Variants in SKAP2 observed in about 807,000 individuals in gnomAD.
SKAP2 encodes src kinase associated phosphoprotein 2.
Under a neutral mutation model 54.9 loss-of-function variants are expected in SKAP2, and 28 were observed. The ratio of observed to expected loss-of-function variants is 0.51; its 90% confidence interval spans 0.38 to 0.70. SKAP2 has a LOEUF of 0.70. SKAP2 is among the 30% of genes least tolerant of loss of function. The probability of loss-of-function intolerance (pLI) is 0.00; values close to 1 mark genes in which losing one functional copy is unlikely to be tolerated. For synonymous variants in SKAP2, 137 were observed against 134.3 expected, an observed-to-expected ratio of 1.02 and a Z score of -0.14; for missense variants, 356 against 424.1, an observed-to-expected ratio of 0.84 and a Z score of 1.41.
chr7:26,684,791 G>A lies in SKAP2; in HGVS notation c.932C>T (p.Ala311Val). The A allele has an allele frequency of 6.2e-7, 1 of 1,612,930 alleles. No homozygotes were observed. The highest frequency in any genetic ancestry group is 1.1e-5 in the South Asian group (1 of 91,032). ...CTTAAATGACAACTCATCAGAAAAA[G>A]CTCCAGTACAATCCCACAATCCCTG... Reference protein sequence around the residue: ...FYQGLWDCTGAFSDELSFKRG... With the variant: ...FYQGLWDCTGVFSDELSFKRG... Residue 311 changes from alanine (A) to valine (V), a missense_variant, in exon 11 of 13, where the codon GCT (alanine) becomes GTT (valine). Ala to Val is a moderately conservative substitution (Grantham distance 64). Coordinates refer to ENST00000345317, the MANE Select transcript of SKAP2 (RefSeq NM_003930.5).
At chr7:26,783,976 A>C (rs569690155) in intron 4 of SKAP2, among the ~76,000 whole-genome samples, 22 of 152,102 alleles carry the variant, frequency 1.4e-4, no homozygotes, top group African/African-American at 4.8e-4. Context: ...AGTCTTAGAA[A>C]AAAAAAAAAG....
At chr7:26,754,529 T>C (rs1299317268) in intron 4 of SKAP2, among the ~76,000 whole-genome samples, 1 of 152,302 alleles carries the variant, frequency 6.6e-6, no homozygotes, top group South Asian at 2.1e-4. Context: ...AGAGCTGACA[T>C]AGCCCAATCG....
At chr7:26,715,185 T>C (rs756368885) in intron 9 of SKAP2, among the ~76,000 whole-genome samples, 15 of 152,184 alleles carry the variant, frequency 9.9e-5, no homozygotes, top group Admixed American at 3.3e-4. Context: ...GGTTGACATT[T>C]GCTTATCTTC....
At chr7:26,718,705 C>T (rs1290448797) in intron 9 of SKAP2, among the ~76,000 whole-genome samples, 2 of 152,024 alleles carry the variant, frequency 1.3e-5, no homozygotes, top group African/African-American at 4.8e-5. Context: ...GGGGTTTCAC[C>T]ACGTTGGCCA....
At chr7:26,792,110 A>C (rs1476539371) in intron 4 of SKAP2, among the ~76,000 whole-genome samples, 1 of 152,210 alleles carries the variant, frequency 6.6e-6, no homozygotes, top group Non-Finnish European at 1.5e-5. Flanking sequence ...ATATTGTATA[A>C]TACTATTGAT....
At chr7:26,691,587 C>T (rs192029778) in intron 9 of SKAP2, among the ~76,000 whole-genome samples, 1 of 152,202 alleles carries the variant, frequency 6.6e-6, no homozygotes, top group African/African-American at 2.4e-5. Context: ...GAAGCCTCTG[C>T]TCACAGGAAG....
intron 5 of SKAP2, 152 bp from the exon 6 acceptor site, chr7:26,739,030 C>T (rs1782370720): frequency 1.6e-6 from 1 of 629,456 alleles, no homozygotes; most frequent in Admixed American, 2.6e-5. Flanking sequence ...AACAACAAAC[C>T]AACACAGCTA....
intron 3 of SKAP2, among the ~76,000 whole-genome samples, chr7:26,845,493 T>C (rs1784903293): frequency 6.6e-6 from 1 of 152,218 alleles, no homozygotes; most frequent in Admixed American, 6.5e-5. Context: ...GTACAGTAAA[T>C]ATGGTGATGT....
At chr7:26,820,194 A>G (rs1435815616) in intron 4 of SKAP2, among the ~76,000 whole-genome samples, 3 of 152,196 alleles carry the variant, frequency 2.0e-5, no homozygotes, top group African/African-American at 7.2e-5. Context: ...CTTATCTCTT[A>G]AAAAATCAAA....
At chr7:26,660,154 T>C in the SKAP2 span, among the ~76,000 whole-genome samples, 2 of 152,132 alleles carry the variant, frequency 1.3e-5, no homozygotes, top group Non-Finnish European at 2.9e-5. Flanking sequence ...TATCTCTATG[T>C]GGCTCTTTCA....
At chr7:26,706,439 TATTCTGAGTAAA>T (rs777535408) in intron 9 of SKAP2, among the ~76,000 whole-genome samples, 150 of 152,278 alleles carry the variant, frequency 9.9e-4, no homozygotes, top group Admixed American at 1.3e-3. Context: ...CAACCAGGAA[TATTCTGAGTAAA>T]ATCTATATCC....
At position 26,751,252 on chromosome 7, in the gene SKAP2, G is replaced by A. The variant is rs575301270; in HGVS notation, c.308-11288C>T. On this transcript the variant is annotated intron_variant, in intron 4 of 12. Transcript: ENST00000345317. ...TCTCCCAAAACAACCTTATTATTGA[G>A]GGGTGGTTAATATGAATAAATAAAC... 4.6e-4 allele frequency among the ~76,000 whole-genome samples: 70 copies of A among 152,030 alleles called. 1 individual carries two copies. The highest frequency in any genetic ancestry group is 4.1e-4 in the South Asian group (2 of 4,822).
At chr7:26,837,403 C>T (rs1013140821) in intron 4 of SKAP2, among the ~76,000 whole-genome samples, 1 of 152,072 alleles carries the variant, frequency 6.6e-6, no homozygotes, top group African/African-American at 2.4e-5. Flanking sequence ...TGGCACTGGA[C>T]ATCTGCTTGG....
intron 5 of SKAP2, 101 bp downstream of exon 5, chr7:26,739,786 T>G: frequency 1.3e-6 from 1 of 772,740 alleles, no homozygotes; most frequent in Non-Finnish European, 2.1e-6. Flanking sequence ...TTAAACTCTT[T>G]AATCACCTAA....
chr7:26,766,152 A>T (rs1209284711), intron 4 of SKAP2, among the ~76,000 whole-genome samples: 1 of 152,158 alleles, frequency 6.6e-6, no homozygotes, highest in East Asian at 1.9e-4. Flanking sequence ...TTCCTTGAGC[A>T]GTGGTTTGTA....
chr7:26,676,839 G>C (rs212844), intron 11 of SKAP2, among the ~76,000 whole-genome samples: 80,611 of 152,012 alleles, frequency 0.53, 22,385 homozygotes, highest in East Asian at 0.88. Flanking sequence ...GGATCTGAGA[G>C]ACTTTACATA....
chr7:26,668,629 T>C lies in SKAP2; in HGVS notation c.*1037A>G, dbSNP rs1786161259. 6.6e-6 allele frequency: 1 copy of C among 151,600 alleles called. No homozygotes were observed. The highest frequency in any genetic ancestry group is 2.4e-5 in the African/African-American group (1 of 41,330). 9.4% of individuals were successfully genotyped at this position (151,600 alleles called of 1,614,324 possible). A position where few individuals can be genotyped will look rare whatever the true frequency, so the allele number is the denominator to read the frequency against. On this transcript the variant is annotated 3_prime_UTR_variant, in exon 13 of 13. Coordinates refer to ENST00000345317, the MANE Select transcript of SKAP2 (RefSeq NM_003930.5). Reference sequence around the variant, plus strand: ...GGCAAGATAAGAGAGTGCTTGGTTATGCCTTTTTACTTTGAGAATACACTG... The same window carrying C: ...GGCAAGATAAGAGAGTGCTTGGTTACGCCTTTTTACTTTGAGAATACACTG...
intron 4 of SKAP2, among the ~76,000 whole-genome samples, chr7:26,835,245 G>C (rs1784682632): frequency 6.6e-6 from 1 of 152,152 alleles, no homozygotes; most frequent in Non-Finnish European, 1.5e-5. Flanking sequence ...ATATCATACT[G>C]AATGGGCAAA....
chr7:26,812,215 G>T (rs1461559236), intron 4 of SKAP2, among the ~76,000 whole-genome samples: 1 of 152,106 alleles, frequency 6.6e-6, no homozygotes, highest in Non-Finnish European at 1.5e-5. Context: ...CACTAAAATG[G>T]CTATGTCTTA....
Sources: gnomAD v4.1 joint callset for allele counts (sites outside exome capture counted in the v4.1 genomes callset) on GRCh38, gnomAD v4.1.1 for gene constraint, MANE v1.5 for transcripts, NCBI Gene and HGNC (gene_info 2026-07-23, HGNC 2026-07-21) for gene names.